The following DPP6 variants were observed in gnomAD, a reference collection of about 807,000 sequenced individuals.
DPP6 encodes the protein dipeptidyl peptidase like 6.
DPP6 carries 69 observed loss-of-function variants against 122.6 expected under a neutral mutation model. The ratio of observed to expected loss-of-function variants is 0.56; its 90% confidence interval spans 0.46 to 0.69. DPP6 has a LOEUF of 0.69. Ranked by LOEUF, DPP6 falls within the 30% of genes least tolerant of loss-of-function variation. The pLI, the probability that DPP6 is intolerant of heterozygous loss-of-function variation, is 0.00. For synonymous variants in DPP6, 418 were observed against 433.1 expected (o/e 0.97, Z 0.43); for missense variants, 928 against 1,116.9 (o/e 0.83, Z 2.41).
At chr7:154,662,510 G>C (rs79081020) in intron 6 of DPP6, among the ~76,000 whole-genome samples, 3 of 42,592 alleles carry the variant, frequency 7.0e-5, no homozygotes, top group Admixed American at 2.5e-4. Flanking sequence ...ATGGCGTATC[G>C]GCCGTAGTGT....
intron 1 of DPP6, among the ~76,000 whole-genome samples, chr7:153,989,831 C>G (rs1585140131): frequency 6.6e-6 from 1 of 152,002 alleles, no homozygotes; most frequent in East Asian, 1.9e-4. Context: ...GACAGCATGT[C>G]CAATTACACA....
chr7:154,611,998 G>A (rs1044556814), intron 5 of DPP6, among the ~76,000 whole-genome samples: 3 of 152,188 alleles, frequency 2.0e-5, no homozygotes, highest in African/African-American at 7.2e-5. Context: ...AATCTCCACT[G>A]CAATAGTGCT....
chr7:154,753,086 A>G (rs1273062515), intron 8 of DPP6, among the ~76,000 whole-genome samples: 3 of 151,542 alleles, frequency 2.0e-5, no homozygotes, highest in Non-Finnish European at 4.4e-5. Context: ...GCCACTGGAC[A>G]CAGTCTAATT....
chr7:154,539,353 CAT>C (rs1156713667), intron 3 of DPP6, among the ~76,000 whole-genome samples: 2 of 152,144 alleles, frequency 1.3e-5, no homozygotes, highest in Non-Finnish European at 2.9e-5. Flanking sequence ...AGAGTCTACT[CAT>C]GTGCTTACTT....
chr7:154,124,295 G>A (rs1807717541), intron 1 of DPP6, among the ~76,000 whole-genome samples: 1 of 152,234 alleles, frequency 6.6e-6, no homozygotes, highest in Non-Finnish European at 1.5e-5. Context: ...TCCCTTGGCT[G>A]AAGCAGAGTG....
the DPP6 span, among the ~76,000 whole-genome samples, chr7:153,755,205 G>A: frequency 6.7e-6 from 1 of 149,672 alleles, no homozygotes; most frequent in Non-Finnish European, 1.5e-5. Context: ...TACAAGTTTT[G>A]TTCTTTTATC....
At chr7:154,375,708 C>T (rs780879764) in intron 1 of DPP6, among the ~76,000 whole-genome samples, 16 of 152,178 alleles carry the variant, frequency 1.1e-4, no homozygotes, top group East Asian at 1.9e-4. Context: ...CTTGGACTTC[C>T]AGCCTCAGAA....
At position 154,618,895 on chromosome 7, in the gene DPP6, G is replaced by A. The variant is rs968473940; in HGVS notation, c.628-18926G>A. On this transcript the variant is annotated intron_variant, in intron 5 of 25. Transcript: ENST00000377770. This position sits in a 1 kb window ranked among gnomAD's most constrained non-coding sequence, Gnocchi z 4.1. ...CCCCACCCAAATCTCATCTTGAATT[G>A]TAGCTCCCATTATCCCTACATGTTG... is the stretch of plus-strand genomic sequence containing the variant. Among the ~76,000 whole-genome samples the A allele has an allele frequency of 7.2e-5, 11 of 152,164 alleles. No homozygotes were observed. The highest frequency in any genetic ancestry group is 2.9e-5 in the Non-Finnish European group (2 of 68,030).
At chr7:154,454,911 G>A (rs1374035120) in intron 2 of DPP6, among the ~76,000 whole-genome samples, 1 of 152,130 alleles carries the variant, frequency 6.6e-6, no homozygotes, top group Non-Finnish European at 1.5e-5. Context: ...GTTAAAGTTT[G>A]TCAGCCAAAA....
chr7:154,375,099 G>T (rs1470937615), intron 1 of DPP6, among the ~76,000 whole-genome samples: 1 of 152,132 alleles, frequency 6.6e-6, no homozygotes, highest in Non-Finnish European at 1.5e-5. Flanking sequence ...CAAAAGAGGA[G>T]CGTGAGTCCC....
chr7:154,156,005 A>T (rs1386327836), intron 1 of DPP6, among the ~76,000 whole-genome samples: 2 of 152,228 alleles, frequency 1.3e-5, no homozygotes, highest in African/African-American at 4.8e-5. Context: ...CTAAGCTCCA[A>T]TGCCTGTGTG....
intron 1 of DPP6, among the ~76,000 whole-genome samples, chr7:154,183,207 C>T (rs10248424): frequency 0.017 from 2,547 of 152,194 alleles, 53 homozygotes; most frequent in African/African-American, 0.058. Flanking sequence ...TCTCAAGTTT[C>T]GACTCTTGCC....
upstream of DPP6, among the ~76,000 whole-genome samples, chr7:153,884,717 G>C (rs961891365): frequency 6.6e-6 from 1 of 152,092 alleles, no homozygotes; most frequent in Admixed American, 6.5e-5. Context: ...AGTGGCTCAC[G>C]CCTGTAATTC....
intron 1 of DPP6, among the ~76,000 whole-genome samples, chr7:154,392,754 G>A (rs1473928847): frequency 6.6e-6 from 1 of 152,202 alleles, no homozygotes. Flanking sequence ...GAAGGCCCCA[G>A]GAGGCACAAG....
intron 1 of DPP6, among the ~76,000 whole-genome samples, chr7:154,443,497 T>C (rs1819561896): frequency 8.7e-6 from 1 of 114,658 alleles, no homozygotes; most frequent in East Asian, 2.7e-4. Flanking sequence ...TGGATGTGGA[T>C]TGACAGATAC....
intron 1 of DPP6, among the ~76,000 whole-genome samples, chr7:154,436,251 C>T (rs2151268197): frequency 6.6e-6 from 1 of 151,060 alleles, no homozygotes; most frequent in East Asian, 1.9e-4. Flanking sequence ...ACGCCTCACT[C>T]CTGACATGTA....
rs562520268 is a variant in DPP6 at position 154,642,746 on chromosome 7, C to T, written c.680+4873C>T. 3.9e-5 allele frequency among the ~76,000 whole-genome samples: 6 copies of T among 152,242 alleles called. No individual in the cohort carries two copies. In the East Asian group the frequency reaches 9.7e-4, roughly 25 times the overall value. Reference sequence around the variant, plus strand: ...TTGAGTTCGAGACCAGCCTGGCCAACATGGTGAAACCCCATGTCTACTAAA... The same window carrying T: ...TTGAGTTCGAGACCAGCCTGGCCAATATGGTGAAACCCCATGTCTACTAAA... On this transcript the variant is annotated intron_variant, in intron 6 of 25. Transcript: ENST00000377770.
intron 1 of DPP6, among the ~76,000 whole-genome samples, chr7:154,376,860 A>G (rs1275767381): frequency 6.6e-6 from 1 of 152,218 alleles, no homozygotes; most frequent in Non-Finnish European, 1.5e-5. Flanking sequence ...TTCTCGTCTA[A>G]TAAGAGGAGA....
chr7:153,907,861 C>G (rs1207243168), intron 1 of DPP6, among the ~76,000 whole-genome samples: 3 of 152,126 alleles, frequency 2.0e-5, no homozygotes, highest in East Asian at 3.9e-4. Context: ...CCTATTCCTT[C>G]TGTTTCTCCT....
Sources: gnomAD v4.1 joint callset for allele counts (sites outside exome capture counted in the v4.1 genomes callset) on GRCh38, gnomAD v4.1.1 for gene constraint, Gnocchi (gnomAD v3.1) non-coding constraint, MANE v1.5 for transcripts, NCBI Gene and HGNC (gene_info 2026-07-23, HGNC 2026-07-21) for gene names.